Variants in TREM1 observed in about 807,000 individuals in gnomAD.
TREM1 encodes the protein triggering receptor expressed on monocytes 1.
A neutral mutation model predicts 22.4 loss-of-function variants in TREM1; 16 were observed. The observed-to-expected ratio is 0.71, with a 90% CI of 0.48 to 1.08. TREM1 has a LOEUF of 1.08. TREM1 is among the 50% of genes least tolerant of loss of function. The pLI is 0.00. For synonymous variants in TREM1, 110 were observed against 111.6 expected (o/e 0.99, Z 0.09); for missense variants, 283 against 282.9 (o/e 1.00, Z 0.00).
rs769956398 is a variant in TREM1 at position 41,282,584 on chromosome 6, G to A, written c.217C>T (p.Pro73Ser). The change falls in exon 2 of 4, where the codon CCT becomes TCT. Residue 73 changes from proline to serine, a missense_variant. Transcript: ENST00000244709. ...MPKTLACTER[P>S]SKNSHPVQVG... is the part of the protein sequence containing the mutation. ...TGGACTGGATGGGAATTCTTTGAAGGCCTCTCTGTGCATGCCAGGGTCTTG... is the reference window on the plus strand; with the variant it reads ...TGGACTGGATGGGAATTCTTTGAAGACCTCTCTGTGCATGCCAGGGTCTTG... The A allele has an allele frequency of 2.5e-5, 41 of 1,614,146 alleles. No homozygotes were observed. In the Middle Eastern group the frequency reaches 2.6e-3, roughly 104 times the overall value.
rs548014964 is a variant in TREM1 at position 41,284,635 on chromosome 6, G to A, written c.50-1884C>T. Among the ~76,000 whole-genome samples, 13 of 152,220 alleles carry A rather than the reference G, an allele frequency of 8.5e-5. No individual in the cohort carries two copies. The South Asian group carries it at 1.5e-3, about 17-fold the overall frequency. ...CTGCTGGGTCTACTGTGTGGGTCAC[G>A]GTAACACTAGTACTGCTGTTATTAA... On this transcript the variant is annotated intron_variant, in intron 1 of 3. Coordinates refer to ENST00000244709, the MANE Select transcript of TREM1 (RefSeq NM_018643.5).
rs766713825 is a variant in TREM1 at position 41,276,231 on chromosome 6, C to T, written c.600-1G>A. On this transcript the variant is annotated splice_acceptor_variant, in intron 3 of 3. Transcript: ENST00000244709. LOFTEE classifies it high-confidence loss of function. ...AATGACAATGTTGAACACCGGAACCCTGCGGGAGACAAGAGGCTGAACGCT... is the reference window on the plus strand; with the variant it reads ...AATGACAATGTTGAACACCGGAACCTTGCGGGAGACAAGAGGCTGAACGCT... 9 of 1,612,932 alleles carry T rather than the reference C, an allele frequency of 5.6e-6. No individual in the cohort carries two copies. The African/African-American group carries it at 1.2e-4, about 22-fold the overall frequency.
intron 3 of TREM1, among the ~76,000 whole-genome samples, chr6:41,268,390 C>A (rs764079000): frequency 1.3e-5 from 2 of 152,198 alleles, no homozygotes; most frequent in African/African-American, 4.8e-5. Context: ...TAACAGTATG[C>A]GCTCAGTCTT....
downstream of TREM1, among the ~76,000 whole-genome samples, chr6:41,272,765 G>T (rs1767519478): frequency 6.6e-6 from 1 of 152,132 alleles, no homozygotes; most frequent in African/African-American, 2.4e-5. Flanking sequence ...CAGGCATGGA[G>T]ACCCCAGTTA....
At position 41,275,968 on chromosome 6, in the gene TREM1, G is replaced by A; in HGVS notation, c.*157C>T. 1 of 625,578 alleles carries A rather than the reference G, an allele frequency of 1.6e-6. No homozygotes were observed. The highest frequency in any genetic ancestry group is 1.9e-5 in the South Asian group (1 of 52,508). The allele number at this position is 625,578 out of a possible 1,614,324, so 38.8% of individuals were successfully genotyped here. A position where few individuals can be genotyped will look rare whatever the true frequency, so the allele number is the denominator to read the frequency against. ...GATTATTAGAGGAACGAGGGCAGTG[G>A]GCAGGAAGGTGAGACGCTGACTTTA... On this transcript the variant is annotated 3_prime_UTR_variant, in exon 4 of 4. Transcript: ENST00000244709.
chr6:41,281,101 C>G lies in TREM1; in HGVS notation c.459G>C (p.Lys153Asn). ...SNENSTQNVY[K>N]IPPTTTKALC... ...AGGCCTTAGTGGTGGTAGGAGGAATCTTATACACATTCTGGGTAGAATTCT... is the reference window on the plus strand; with the variant it reads ...AGGCCTTAGTGGTGGTAGGAGGAATGTTATACACATTCTGGGTAGAATTCT... Residue 153 changes from lysine to asparagine, a missense_variant, in exon 3 of 4, where the codon AAG becomes AAC. Coordinates refer to ENST00000244709, the MANE Select transcript of TREM1 (RefSeq NM_018643.5). 6.2e-7 allele frequency: 1 copy of G among 1,614,172 alleles called. No individual in the cohort carries two copies. Among genetic ancestry groups the G allele is most frequent in the Non-Finnish European group, 8.5e-7 (1 of 1,180,022 alleles).
chr6:41,276,524 A>G (rs941596013), intron 3 of TREM1, among the ~76,000 whole-genome samples: 1 of 152,174 alleles, frequency 6.6e-6, no homozygotes, highest in Non-Finnish European at 1.5e-5. Flanking sequence ...GACTCTGGCC[A>G]GGAAACCCGC....
chr6:41,280,279 G>T (rs1767852865), intron 3 of TREM1: 1 of 979,840 alleles, frequency 1.0e-6, no homozygotes, highest in Non-Finnish European at 1.2e-6. Context: ...CTGTAAAGAG[G>T]TGTGAAATTG....
rs144604969 is a variant in TREM1, at chr6:41,276,193, C to T, written c.637G>A (p.Gly213Arg). 1.2e-6 allele frequency: 2 copies of T among 1,614,156 alleles called. No homozygotes were observed. Among genetic ancestry groups the T allele is most frequent in the Non-Finnish European group, 8.5e-7 (1 of 1,180,022 alleles). Reference sequence around the variant, plus strand: ...AAGACCAGGCTCTTACTCAGGAATCCACCAGCCAGGAGAATGACAATGTTG... The same window carrying T: ...AAGACCAGGCTCTTACTCAGGAATCTACCAGCCAGGAGAATGACAATGTTG... ...VFNIVILLAGGFLSKSLVFSV... is the reference protein window; with the variant it reads ...VFNIVILLAGRFLSKSLVFSV... Residue 213 changes from glycine (G) to arginine (R), a missense_variant, in exon 4 of 4, where the codon GGA becomes AGA. Gly to Arg is a moderately radical substitution (Grantham distance 125, BLOSUM62 -2). Transcript: ENST00000244709.
At chr6:41,272,432 C>A (rs1767509496), downstream of TREM1, among the ~76,000 whole-genome samples, 1 of 152,200 alleles carries the variant, frequency 6.6e-6, no homozygotes, top group South Asian at 2.1e-4. Flanking sequence ...AGGCCGGGTT[C>A]AAGCCTTTCT....
intron 3 of TREM1, among the ~76,000 whole-genome samples, chr6:41,276,821 A>G (rs889551337): frequency 2.6e-5 from 4 of 152,128 alleles, no homozygotes; most frequent in South Asian, 2.1e-4. Context: ...ACAGATGGCA[A>G]TGGAACACAA....
downstream of TREM1, among the ~76,000 whole-genome samples, chr6:41,267,502 T>C (rs956537590): frequency 1.3e-5 from 2 of 151,866 alleles, no homozygotes; most frequent in Non-Finnish European, 1.5e-5. Flanking sequence ...TGCATGCAAA[T>C]AGACATGGAA....
chr6:41,273,252 T>C, downstream of TREM1, among the ~76,000 whole-genome samples: 1 of 152,188 alleles, frequency 6.6e-6, no homozygotes. Context: ...GCCTCTGCTG[T>C]CCATTCTCTC....
intron 3 of TREM1, chr6:41,280,026 T>A: frequency 1.0e-6 from 1 of 978,072 alleles, no homozygotes; most frequent in East Asian, 1.1e-4. Flanking sequence ...TATGCACTCA[T>A]TGAAATTATA....
chr6:41,280,500 A>G, intron 3 of TREM1: 2 of 1,034,012 alleles, frequency 1.9e-6, no homozygotes, highest in Non-Finnish European at 2.3e-6. Flanking sequence ...TTAGGTGGAC[A>G]ATGTCTTCCA....
chr6:41,277,642 G>T (rs1192326844), intron 3 of TREM1, among the ~76,000 whole-genome samples: 1 of 152,094 alleles, frequency 6.6e-6, no homozygotes, highest in Non-Finnish European at 1.5e-5. Context: ...TTTCGAGGCT[G>T]CACACAAGCT....
At chr6:41,269,386 C>T (rs1767416188), downstream of TREM1, among the ~76,000 whole-genome samples, 1 of 152,228 alleles carries the variant, frequency 6.6e-6, no homozygotes, top group East Asian at 1.9e-4. Context: ...GGGCCCATTT[C>T]ATTGATTCAC....
At chr6:41,285,957 G>A (rs925435421) in intron 1 of TREM1, among the ~76,000 whole-genome samples, 1 of 152,222 alleles carries the variant, frequency 6.6e-6, no homozygotes, top group Non-Finnish European at 1.5e-5. Flanking sequence ...ATAAGGATTA[G>A]GAGGAGGAGT....
In TREM1 at chr6:41,280,213, C is replaced by T. The variant is rs376880376; in HGVS notation, c.599+748G>A. On this transcript the variant is annotated intron_variant, in intron 3 of 3. Transcript: ENST00000244709. ...GGTGATGTGGAAAAGTATTTCCATC[C>T]TGATAATTCAGTATTTAATGATAAA... 34 of 968,116 alleles carry T rather than the reference C, an allele frequency of 3.5e-5. No individual in the cohort carries two copies. The East Asian group carries it at 3.0e-3, about 85-fold the overall frequency. The allele number at this position is 968,116 out of a possible 1,614,324, so 60.0% of individuals were successfully genotyped here.
Sources: gnomAD v4.1 joint callset for allele counts (sites outside exome capture counted in the v4.1 genomes callset) on GRCh38, gnomAD v4.1.1 for gene constraint, MANE v1.5 for transcripts, NCBI Gene and HGNC (gene_info 2026-07-23, HGNC 2026-07-21) for gene names.